NRXN1: variants seen among roughly 807,000 people sequenced by gnomAD.
The protein encoded by NRXN1 is neurexin-1.
NRXN1 carries 39 observed loss-of-function variants against 150.9 expected under a neutral mutation model. The observed-to-expected ratio is 0.26, with a 90% CI of 0.20 to 0.34. The LOEUF is 0.34. NRXN1 is among the 10% of genes least tolerant of loss of function. The probability of loss-of-function intolerance (pLI) is 1.00; values close to 1 mark genes in which losing one functional copy is unlikely to be tolerated. For missense variants in NRXN1, 1,815 were observed against 1,949.9 expected (o/e 0.93, Z 1.30); for synonymous variants, 924 against 757.0 (o/e 1.22, Z -3.62).
chr2:50,995,689 T>C (rs931699550), intron 2 of NRXN1, among the ~76,000 whole-genome samples: 3 of 151,378 alleles, frequency 2.0e-5, no homozygotes, highest in Non-Finnish European at 4.4e-5. Context: ...AAGGTGTCAG[T>C]GAACTTTAAA....
At chr2:50,918,981 A>C (rs945137266) in intron 5 of NRXN1, 1 of 150,446 alleles carries the variant, frequency 6.6e-6, no homozygotes, top group Non-Finnish European at 1.5e-5. Flanking sequence ...ATTCTTAACC[A>C]TATCCAGTTA....
At chr2:50,354,554 CATATATATAT>C (rs71404946) in intron 17 of NRXN1, among the ~76,000 whole-genome samples, 208 of 100,112 alleles carry the variant, frequency 2.1e-3, no homozygotes, top group African/African-American at 6.1e-3. Context: ...AGAGTGCATA[CATATATATAT>C]ATATATATAT....
chr2:50,538,269 G>T lies in NRXN1; in HGVS notation c.2127C>A (p.Gly709=), dbSNP rs1363778328. 1.2e-6 allele frequency: 2 copies of T among 1,611,630 alleles called. No homozygotes were observed. Among genetic ancestry groups the T allele is most frequent in the South Asian group, 1.1e-5 (1 of 90,954 alleles). Residue 709 remains glycine (G), a synonymous_variant, in exon 10 of 23, where the codon GGC becomes GGA. Transcript: ENST00000401669. Reference sequence around the variant, plus strand: ...GAATCCTACCTCTCTCACAGGACCTGCCAAGATAGCCTGTTCCGGAACAAT... The same window carrying T: ...GAATCCTACCTCTCTCACAGGACCTTCCAAGATAGCCTGTTCCGGAACAAT... ...VCDCSGTGYL[G]RSCEREATVL...
rs190136255 is a variant in NRXN1 at position 50,298,053 on chromosome 2, T to C, written c.3365-61083A>G. Among the ~76,000 whole-genome samples the C allele has an allele frequency of 2.3e-3, 348 of 152,162 alleles. 4 individuals are homozygous for C. Among genetic ancestry groups the C allele is most frequent in the Middle Eastern group, 0.01 (3 of 294 alleles). On this transcript the variant is annotated intron_variant, in intron 17 of 22. Coordinates refer to ENST00000401669, the MANE Select transcript of NRXN1 (RefSeq NM_001330078.2). Reference sequence around the variant, plus strand: ...CTTTCCCTAATCGGCTTAATTTTAATATTAAAATATTCAATATTAATATTA... The same window carrying C: ...CTTTCCCTAATCGGCTTAATTTTAACATTAAAATATTCAATATTAATATTA...
At chr2:50,264,099 G>T (rs1170549443) in intron 17 of NRXN1, among the ~76,000 whole-genome samples, 1 of 152,092 alleles carries the variant, frequency 6.6e-6, no homozygotes, top group Non-Finnish European at 1.5e-5. Flanking sequence ...ACTATCTTAT[G>T]CAGTAGGACT....
chr2:50,704,327 T>C (rs756713161), intron 5 of NRXN1, among the ~76,000 whole-genome samples: 11 of 151,994 alleles, frequency 7.2e-5, no homozygotes, highest in Non-Finnish European at 1.3e-4. Context: ...TATTCATCTT[T>C]AGGCAAAGTT....
At chr2:50,244,305 G>C (rs985090206) in intron 17 of NRXN1, among the ~76,000 whole-genome samples, 1 of 151,716 alleles carries the variant, frequency 6.6e-6, no homozygotes, top group African/African-American at 2.4e-5. Flanking sequence ...CATTCATTCA[G>C]AAACACCACC....
intron 8 of NRXN1, among the ~76,000 whole-genome samples, chr2:50,563,809 A>G (rs1314681836): frequency 6.6e-6 from 1 of 152,188 alleles, no homozygotes; most frequent in African/African-American, 2.4e-5. Flanking sequence ...ATGTTTCAAG[A>G]GCTGGTTATC....
At chr2:50,258,426 G>T (rs569955802) in intron 17 of NRXN1, among the ~76,000 whole-genome samples, 1 of 152,060 alleles carries the variant, frequency 6.6e-6, no homozygotes, top group East Asian at 1.9e-4. Flanking sequence ...CTTCTCATTT[G>T]TTCAAGTTTT....
intron 5 of NRXN1, 78 bp from the exon 6 acceptor site, chr2:50,623,693 C>T: frequency 1.0e-6 from 1 of 967,806 alleles, no homozygotes; most frequent in Non-Finnish European, 1.5e-6. Context: ...GAAACAATAG[C>T]TAATCACTCC....
intron 5 of NRXN1, among the ~76,000 whole-genome samples, chr2:50,771,589 G>A (rs1703014325): frequency 6.6e-6 from 1 of 152,200 alleles, no homozygotes; most frequent in East Asian, 1.9e-4. Flanking sequence ...ACAGAGGTGA[G>A]AATTTGAATA....
At chr2:50,033,970 A>G (rs1351391284) in intron 21 of NRXN1, among the ~76,000 whole-genome samples, 2 of 126,582 alleles carry the variant, frequency 1.6e-5, no homozygotes, top group East Asian at 2.1e-4. Context: ...TAAAAAGTGG[A>G]AAAAAAAAAA....
At chr2:50,553,255 C>T (rs559230085) in intron 8 of NRXN1, among the ~76,000 whole-genome samples, 59 of 152,292 alleles carry the variant, frequency 3.9e-4, no homozygotes, top group Non-Finnish European at 4.3e-4. Context: ...GATGCACCCG[C>T]GCATGTGCAT....
chr2:50,889,133 G>C (rs1304671427), intron 5 of NRXN1, among the ~76,000 whole-genome samples: 1 of 151,592 alleles, frequency 6.6e-6, no homozygotes, highest in African/African-American at 2.4e-5. Context: ...TTGAAACATG[G>C]AGATTGGCAA....
intron 2 of NRXN1, among the ~76,000 whole-genome samples, chr2:50,990,103 T>A (rs1698321680): frequency 6.6e-6 from 1 of 152,060 alleles, no homozygotes; most frequent in African/African-American, 2.4e-5. Flanking sequence ...CTTCCATATA[T>A]CTTCTGTAGG....
intron 2 of NRXN1, among the ~76,000 whole-genome samples, chr2:50,964,345 G>A (rs1236884208): frequency 6.6e-6 from 1 of 151,376 alleles, no homozygotes; most frequent in Non-Finnish European, 1.5e-5. Flanking sequence ...CAATAATTTA[G>A]TCCCCAGTGT....
chr2:51,009,837 C>T (rs1453413660), intron 2 of NRXN1, among the ~76,000 whole-genome samples: 1 of 151,896 alleles, frequency 6.6e-6, no homozygotes, highest in East Asian at 1.9e-4. Context: ...AGAAACGTTA[C>T]ATCTGGTTCT....
chr2:50,715,561 TGTAA>T (rs1037973864), intron 5 of NRXN1, among the ~76,000 whole-genome samples: 2 of 152,216 alleles, frequency 1.3e-5, no homozygotes, highest in Non-Finnish European at 2.9e-5. Context: ...AAATAACTTG[TGTAA>T]GTTTTTGTCT....
intron 17 of NRXN1, among the ~76,000 whole-genome samples, chr2:50,293,648 G>T (rs2073217956): frequency 6.6e-6 from 1 of 152,138 alleles, no homozygotes; most frequent in African/African-American, 2.4e-5. Flanking sequence ...AAGGAGAAAG[G>T]AAGGAGACAT....
Sources: gnomAD v4.1 joint callset for allele counts (sites outside exome capture counted in the v4.1 genomes callset) on GRCh38, gnomAD v4.1.1 for gene constraint, MANE v1.5 for transcripts, NCBI Gene and HGNC (gene_info 2026-07-23, HGNC 2026-07-21) for gene names.